JARID2: variants seen among roughly 807,000 people sequenced by gnomAD.
JARID2 encodes protein Jumonji.
A neutral mutation model predicts 125.6 loss-of-function variants in JARID2; 21 were observed. That is an observed-to-expected ratio of 0.17 (90% CI 0.12 to 0.24). The LOEUF is 0.24. Ranked by LOEUF, JARID2 falls within the 10% of genes least tolerant of loss-of-function variation. The pLI is 1.00. For missense variants in JARID2, 1,303 were observed against 1,639.6 expected (o/e 0.79, Z 3.55); for synonymous variants, 736 against 661.6 (o/e 1.11, Z -1.73).
intron 1 of JARID2, among the ~76,000 whole-genome samples, chr6:15,337,440 A>G (rs1561800462): frequency 1.3e-5 from 2 of 152,218 alleles, no homozygotes; most frequent in South Asian, 2.1e-4. Context: ...TTGGGTGGCT[A>G]TGCATGCCTG....
intron 1 of JARID2, among the ~76,000 whole-genome samples, chr6:15,303,072 C>A (rs968256281): frequency 6.6e-6 from 1 of 152,172 alleles, no homozygotes; most frequent in Non-Finnish European, 1.5e-5. Flanking sequence ...TTAAATGACA[C>A]AGGATTTTGA....
intron 15 of JARID2, 70 bp from the exon 16 acceptor site, chr6:15,513,169 G>A (rs905046342): frequency 7.8e-5 from 9 of 115,134 alleles, no homozygotes; most frequent in Admixed American, 1.7e-4. Flanking sequence ...TGTGGGGTGC[G>A]TGTGTCCCCT....
chr6:15,433,752 G>A (rs56123857), intron 3 of JARID2, among the ~76,000 whole-genome samples: 14,393 of 152,026 alleles, frequency 0.095, 816 homozygotes, highest in Middle Eastern at 0.16. Flanking sequence ...CATTCTTTTG[G>A]GGATATGGGG....
chr6:15,490,126 G>A (rs571142748), intron 6 of JARID2, among the ~76,000 whole-genome samples: 3 of 152,362 alleles, frequency 2.0e-5, no homozygotes, highest in African/African-American at 7.2e-5. Context: ...AATAAGGTCA[G>A]TAAAAGCAAA....
At chr6:15,336,651 CTTTTTTTT>C (rs10716567) in intron 1 of JARID2, among the ~76,000 whole-genome samples, 1 of 133,130 alleles carries the variant, frequency 7.5e-6, no homozygotes, top group African/African-American at 2.7e-5. Context: ...ATTCAGGATT[CTTTTTTTT>C]TTTTTTTTAA....
chr6:15,356,342 C>T (rs917528147), intron 1 of JARID2, among the ~76,000 whole-genome samples: 4 of 152,214 alleles, frequency 2.6e-5, no homozygotes, highest in Admixed American at 1.3e-4. Context: ...GAGGAACCCA[C>T]ACTTGGCCTA....
chr6:15,503,096 A>G (rs1297880467), intron 8 of JARID2, among the ~76,000 whole-genome samples: 1 of 152,240 alleles, frequency 6.6e-6, no homozygotes, highest in African/African-American at 2.4e-5. Flanking sequence ...TCTAGATTTC[A>G]TCACGGAAAT....
intron 1 of JARID2, among the ~76,000 whole-genome samples, chr6:15,264,734 G>C (rs564912454): frequency 6.6e-6 from 1 of 151,958 alleles, no homozygotes; most frequent in Non-Finnish European, 1.5e-5. Context: ...GTGTTCTGCC[G>C]GGCCGCTTTT....
chr6:15,249,039 A>T (rs1759326114), intron 1 of JARID2: 1 of 785,326 alleles, frequency 1.3e-6, no homozygotes, highest in Admixed American at 6.2e-5. Flanking sequence ...GGAAGCGGGG[A>T]GCGGGGAGGA....
At chr6:15,413,849 T>C (rs1199253109) in intron 3 of JARID2, among the ~76,000 whole-genome samples, 1 of 152,226 alleles carries the variant, frequency 6.6e-6, no homozygotes, top group Non-Finnish European at 1.5e-5. Flanking sequence ...TCCCTCATGA[T>C]GTAATCACTT....
At position 15,464,099 on chromosome 6, in the gene JARID2, C is replaced by G. The variant is rs1768591999; in HGVS notation, c.494-4443C>G. 3.3e-5 allele frequency among the ~76,000 whole-genome samples: 5 copies of G among 152,250 alleles called. No individual in the cohort carries two copies. In the South Asian group the frequency reaches 8.3e-4, roughly 25 times the overall value. Reference sequence around the variant, plus strand: ...CTATTTTCTAGATATTAGTCCTTTTCTATCGCTGTGACCATTTTTACTTTG... The same window carrying G: ...CTATTTTCTAGATATTAGTCCTTTTGTATCGCTGTGACCATTTTTACTTTG... On this transcript the variant is annotated intron_variant, in intron 4 of 17. Coordinates refer to ENST00000341776, the MANE Select transcript of JARID2 (RefSeq NM_004973.4).
chr6:15,297,962 T>A (rs1048384621), intron 1 of JARID2, among the ~76,000 whole-genome samples: 1 of 152,160 alleles, frequency 6.6e-6, no homozygotes, highest in Non-Finnish European at 1.5e-5. Flanking sequence ...AATGCCCTCT[T>A]ATATTTATTC....
chr6:15,518,177 C>T (rs1247965544), intron 17 of JARID2, among the ~76,000 whole-genome samples: 1 of 152,248 alleles, frequency 6.6e-6, no homozygotes, highest in Admixed American at 6.5e-5. Flanking sequence ...ATAACGAAGC[C>T]TTTGCGGCTG....
chr6:15,419,677 C>T (rs1474598117), intron 3 of JARID2, among the ~76,000 whole-genome samples: 2 of 152,194 alleles, frequency 1.3e-5, no homozygotes, highest in Non-Finnish European at 2.9e-5. Flanking sequence ...GGTTAATAGT[C>T]ATTCACCATC....
intron 1 of JARID2, among the ~76,000 whole-genome samples, chr6:15,259,871 A>G (rs959336561): frequency 2.0e-5 from 3 of 152,152 alleles, no homozygotes; most frequent in African/African-American, 7.2e-5. Context: ...TTTTACTTAG[A>G]TCTGACTCAA....
intron 1 of JARID2, chr6:15,314,938 C>T (rs1368097825): frequency 1.3e-5 from 2 of 152,158 alleles, no homozygotes; most frequent in African/African-American, 4.8e-5. Flanking sequence ...TTCAGCAGCA[C>T]ATATACTAAA....
At chr6:15,417,130 CTG>C (rs576896559) in intron 3 of JARID2, among the ~76,000 whole-genome samples, 66 of 152,256 alleles carry the variant, frequency 4.3e-4, no homozygotes, top group Non-Finnish European at 8.1e-4. Flanking sequence ...GCAAGATTAA[CTG>C]TTTATTTTTA....
chr6:15,456,260 C>G (rs942690607), intron 4 of JARID2, among the ~76,000 whole-genome samples: 3 of 152,174 alleles, frequency 2.0e-5, no homozygotes, highest in Non-Finnish European at 2.9e-5. Flanking sequence ...TAAATGCCAT[C>G]TAGAGAAAAC....
intron 5 of JARID2, among the ~76,000 whole-genome samples, chr6:15,474,218 A>G (rs1431615913): frequency 6.6e-6 from 1 of 152,254 alleles, no homozygotes; most frequent in Non-Finnish European, 1.5e-5. Flanking sequence ...GAAGGAAATT[A>G]TTGATCATCT....
Sources: allele counts gnomAD v4.1 joint callset (sites outside exome capture counted in the v4.1 genomes callset), GRCh38; gene constraint gnomAD v4.1.1; transcripts MANE v1.5; gene names NCBI Gene and HGNC (gene_info 2026-07-23, HGNC 2026-07-21).